DDHD1: variants seen among roughly 807,000 people sequenced by gnomAD.
DDHD1 encodes the protein phospholipase DDHD1.
In DDHD1, 49 loss-of-function variants were observed where a neutral mutation model predicts 96.4. That is an observed-to-expected ratio of 0.51 (90% CI 0.40 to 0.64). The LOEUF is 0.64. DDHD1 is among the 30% of genes least tolerant of loss of function. The pLI, the probability that DDHD1 is intolerant of heterozygous loss-of-function variation, is 0.00. For synonymous variants in DDHD1, 442 were observed against 446.5 expected, an observed-to-expected ratio of 0.99 and a Z score of 0.13; for missense variants, 1,106 against 1,161.2, an observed-to-expected ratio of 0.95 and a Z score of 0.69.
In DDHD1 at chr14:53,138,478, T is replaced by A. The variant is rs567845291; in HGVS notation, c.838+13783A>T. ...TGTATTTTGGTGTTTATAATGATTG[T>A]ATTTTGGTGTTTATAACAAATAGTA... On this transcript the variant is annotated intron_variant, in intron 1 of 12. Transcript: ENST00000673822. Among the ~76,000 whole-genome samples, 5 of 152,340 alleles carry A rather than the reference T, an allele frequency of 3.3e-5. No homozygotes were observed. In the South Asian group the frequency reaches 1.0e-3, roughly 32 times the overall value.
chr14:53,080,640 C>G (rs979379245), intron 4 of DDHD1, among the ~76,000 whole-genome samples: 1 of 150,608 alleles, frequency 6.6e-6, no homozygotes, highest in Non-Finnish European at 1.5e-5. Flanking sequence ...TTCTCTATTC[C>G]TAAGTTCTAG....
intron 1 of DDHD1, among the ~76,000 whole-genome samples, chr14:53,133,106 A>G (rs1478696606): frequency 6.6e-6 from 1 of 152,104 alleles, no homozygotes; most frequent in East Asian, 1.9e-4. Flanking sequence ...CCTTTCCATC[A>G]TGGAAATCTA....
chr14:53,070,571 C>G (rs115068129), intron 6 of DDHD1, among the ~76,000 whole-genome samples: 1 of 152,098 alleles, frequency 6.6e-6, no homozygotes, highest in African/African-American at 2.4e-5. Flanking sequence ...TTTTCATTCT[C>G]AAGAACATAA....
intron 1 of DDHD1, among the ~76,000 whole-genome samples, chr14:53,108,218 G>C (rs1003409560): frequency 6.6e-6 from 1 of 152,144 alleles, no homozygotes; most frequent in Non-Finnish European, 1.5e-5. Flanking sequence ...CTGATCCAGC[G>C]AGGCGCCCAC....
chr14:53,049,584 T>C (rs1326609854), intron 12 of DDHD1, among the ~76,000 whole-genome samples: 1 of 151,272 alleles, frequency 6.6e-6, no homozygotes, highest in Non-Finnish European at 1.5e-5. Context: ...ACTTTCTCAT[T>C]ATTACCATCT....
intron 3 of DDHD1, 70 bp from the exon 4 acceptor site, chr14:53,092,002 G>GA (rs892175334): frequency 3.6e-5 from 52 of 1,437,010 alleles, no homozygotes; most frequent in Middle Eastern, 1.9e-4. Flanking sequence ...TATGTTAAAA[G>GA]AAAAAAAAGA....
intron 8 of DDHD1, among the ~76,000 whole-genome samples, chr14:53,059,647 C>T (rs1420530655): frequency 2.7e-5 from 4 of 148,230 alleles, no homozygotes; most frequent in South Asian, 2.1e-4. Flanking sequence ...GGGCGGATCA[C>T]GAGGTCAGGA....
At chr14:53,136,203 T>C (rs1890233010) in intron 1 of DDHD1, among the ~76,000 whole-genome samples, 1 of 152,140 alleles carries the variant, frequency 6.6e-6, no homozygotes, top group Non-Finnish European at 1.5e-5. Flanking sequence ...GAACTAATGA[T>C]AATCCACCAC....
Position 53,146,822 on chromosome 14 carries a change from T to C in DDHD1, c.838+5439A>G, listed in dbSNP as rs986679202. ...GAGTAGAACTGTAGATTATATACAGTAACTATAAAAAAATTTTTCCTTGTT... is the reference window on the plus strand; with the variant it reads ...GAGTAGAACTGTAGATTATATACAGCAACTATAAAAAAATTTTTCCTTGTT... On this transcript the variant is annotated intron_variant, in intron 1 of 12. Transcript: ENST00000673822. Among the ~76,000 whole-genome samples, 4 of 152,270 alleles carry C rather than the reference T, an allele frequency of 2.6e-5. No individual in the cohort carries two copies. The South Asian group carries it at 6.2e-4, about 24-fold the overall frequency.
At chr14:53,113,517 G>A (rs1338756425) in intron 1 of DDHD1, among the ~76,000 whole-genome samples, 2 of 152,002 alleles carry the variant, frequency 1.3e-5, no homozygotes. Context: ...AATGCAGAAG[G>A]AGGGTGATTT....
At chr14:53,076,713 T>G (rs1884989452) in intron 4 of DDHD1, among the ~76,000 whole-genome samples, 1 of 152,132 alleles carries the variant, frequency 6.6e-6, no homozygotes, top group Admixed American at 6.6e-5. Context: ...TTTAAGAAAT[T>G]GCCACACCCA....
At chr14:53,054,157 C>T in intron 11 of DDHD1, 1 of 314,962 alleles carries the variant, frequency 3.2e-6, no homozygotes, top group South Asian at 8.9e-5. Context: ...GGGGTACTTA[C>T]CCTAAAGAGA....
At chr14:53,046,971 C>A (rs1324366879) in intron 12 of DDHD1, 22 bp from the exon 13 acceptor site, 23 of 1,571,026 alleles carry the variant, frequency 1.5e-5, no homozygotes, top group Non-Finnish European at 1.9e-5. Context: ...AGAAGTTAAA[C>A]AAATGAATAC....
At chr14:53,144,078 A>G (rs184494415) in intron 1 of DDHD1, among the ~76,000 whole-genome samples, 28 of 152,368 alleles carry the variant, frequency 1.8e-4, no homozygotes, top group African/African-American at 5.3e-4. Context: ...TACATGAGAC[A>G]TAGTAGCACC....
At chr14:53,131,385 C>T (rs899420718) in intron 1 of DDHD1, among the ~76,000 whole-genome samples, 3 of 152,176 alleles carry the variant, frequency 2.0e-5, no homozygotes, top group Admixed American at 6.5e-5. Flanking sequence ...CGCCAGTATG[C>T]CATCCCACAA....
chr14:53,096,482 T>G (rs1240230464), intron 2 of DDHD1, among the ~76,000 whole-genome samples: 1 of 152,184 alleles, frequency 6.6e-6, no homozygotes, highest in African/African-American at 2.4e-5. Context: ...TGTCTTTGCA[T>G]AGAAAGAATT....
At chr14:53,134,004 A>G (rs1890056914) in intron 1 of DDHD1, among the ~76,000 whole-genome samples, 1 of 152,182 alleles carries the variant, frequency 6.6e-6, no homozygotes, top group South Asian at 2.1e-4. Context: ...TGAAGTCTCA[A>G]GTACTCTCCC....
Position 53,103,798 on chromosome 14 carries a change from A to C in DDHD1, c.897T>G (p.Pro299=). 1 of 1,613,248 alleles carries C rather than the reference A, an allele frequency of 6.2e-7. No individual in the cohort carries two copies. The highest frequency in any genetic ancestry group is 8.5e-7 in the Non-Finnish European group (1 of 1,179,746). Residue 299 remains proline, a synonymous_variant, in exon 2 of 13, where the codon CCT becomes CCG. Coordinates refer to ENST00000673822, the MANE Select transcript of DDHD1 (RefSeq NM_001160148.2). Reference sequence around the variant, plus strand: ...TTAAATTACTTTCTTCCTCTTCTAGAGGCTGCCAAGTGCCGTCAATAAACC... The same window carrying C: ...TTAAATTACTTTCTTCCTCTTCTAGCGGCTGCCAAGTGCCGTCAATAAACC... The part of the protein sequence containing the change: ...GQWFIDGTWQ[P]LEEEESNLIE...
At chr14:53,071,075 C>T (rs958640648) in intron 6 of DDHD1, among the ~76,000 whole-genome samples, 2 of 152,092 alleles carry the variant, frequency 1.3e-5, no homozygotes, top group African/African-American at 4.8e-5. Flanking sequence ...CCATGTGCCA[C>T]ATGTTAATAT....
Sources: gnomAD v4.1 joint callset for allele counts (sites outside exome capture counted in the v4.1 genomes callset) on GRCh38, gnomAD v4.1.1 for gene constraint, MANE v1.5 for transcripts, NCBI Gene and HGNC (gene_info 2026-07-23, HGNC 2026-07-21) for gene names.